SHANK2: variants seen among roughly 807,000 people sequenced by gnomAD.
SHANK2 encodes the protein SH3 and multiple ankyrin repeat domains protein 2.
A neutral mutation model predicts 133.7 loss-of-function variants in SHANK2; 43 were observed. That is an observed-to-expected ratio of 0.32 (90% CI 0.25 to 0.41). The LOEUF (loss-of-function observed/expected upper bound fraction) is 0.41, where lower values mean the gene tolerates loss of function less well. Ranked by LOEUF, SHANK2 falls within the 10% of genes least tolerant of loss-of-function variation. The probability of loss-of-function intolerance (pLI) is 1.00; values close to 1 mark genes in which losing one functional copy is unlikely to be tolerated. For missense variants in SHANK2, 1,994 were observed against 2,235.8 expected, an observed-to-expected ratio of 0.89 and a Z score of 2.18; for synonymous variants, 1,017 against 952.8, an observed-to-expected ratio of 1.07 and a Z score of -1.24.
intron 14 of SHANK2, among the ~76,000 whole-genome samples, chr11:70,776,867 A>T (rs932120865): frequency 5.4e-5 from 8 of 147,910 alleles, no homozygotes; most frequent in African/African-American, 2.0e-4. Context: ...CAATCCACAC[A>T]TCCACCCACC....
chr11:70,543,662 C>T (rs541347391), intron 17 of SHANK2, among the ~76,000 whole-genome samples: 4 of 152,214 alleles, frequency 2.6e-5, no homozygotes, highest in Non-Finnish European at 4.4e-5. Flanking sequence ...AACCGGCAAA[C>T]GTATTTCCCT....
intron 9 of SHANK2, among the ~76,000 whole-genome samples, chr11:71,071,290 G>A (rs1328026963): frequency 7.9e-5 from 12 of 152,268 alleles, no homozygotes; most frequent in East Asian, 1.9e-4. Flanking sequence ...TTCACACCCC[G>A]TGGCATACCT....
chr11:70,636,451 G>A (rs1304568317), intron 17 of SHANK2, among the ~76,000 whole-genome samples: 2 of 151,590 alleles, frequency 1.3e-5, no homozygotes, highest in Admixed American at 6.6e-5. Flanking sequence ...GAATATGTGT[G>A]AGCACGTGTG....
At chr11:70,644,412 G>A (rs529043976) in intron 17 of SHANK2, among the ~76,000 whole-genome samples, 27 of 152,130 alleles carry the variant, frequency 1.8e-4, no homozygotes, top group Non-Finnish European at 2.1e-4. Context: ...AACCTCACTT[G>A]AGCGGAATCA....
intron 17 of SHANK2, among the ~76,000 whole-genome samples, chr11:70,616,697 C>T (rs1175496694): frequency 1.3e-5 from 2 of 152,096 alleles, no homozygotes; most frequent in Non-Finnish European, 2.9e-5. Flanking sequence ...CTGAGGCCTC[C>T]GGAGGCTGCT....
chr11:70,756,518 C>T (rs763127472), intron 14 of SHANK2, among the ~76,000 whole-genome samples: 6 of 152,164 alleles, frequency 3.9e-5, no homozygotes, highest in African/African-American at 7.2e-5. Flanking sequence ...GCCGCCTGCA[C>T]GCTCCTTCCC....
intron 17 of SHANK2, among the ~76,000 whole-genome samples, chr11:70,536,892 C>A (rs2059550418): frequency 6.6e-6 from 1 of 152,194 alleles, no homozygotes; most frequent in African/African-American, 2.4e-5. Context: ...CTCATCCCAG[C>A]CCAGTGTCTC....
At chr11:70,522,888 C>G (rs1486618128) in intron 17 of SHANK2, among the ~76,000 whole-genome samples, 1 of 152,246 alleles carries the variant, frequency 6.6e-6, no homozygotes, top group East Asian at 1.9e-4. Context: ...CACAGCTCCT[C>G]TCTTAGCGGC....
intron 17 of SHANK2, chr11:70,633,818 T>A (rs913187973): frequency 6.6e-6 from 1 of 152,172 alleles, no homozygotes; most frequent in Non-Finnish European, 1.5e-5. Context: ...CCTGGGGAGA[T>A]GGGGTGTGAA....
At chr11:71,134,439 A>AT (rs376602865) in intron 3 of SHANK2, among the ~76,000 whole-genome samples, 56,018 of 133,988 alleles carry the variant, frequency 0.42, 12,671 homozygotes, top group East Asian at 0.58. Flanking sequence ...TTACATCTCA[A>AT]TTTTTTTTTT....
chr11:70,824,075 G>T (rs987343799), intron 11 of SHANK2, among the ~76,000 whole-genome samples: 3 of 150,034 alleles, frequency 2.0e-5, no homozygotes, highest in Non-Finnish European at 4.4e-5. Context: ...CAGGACAGAG[G>T]TGGCGTTGAT....
intron 17 of SHANK2, among the ~76,000 whole-genome samples, chr11:70,506,750 A>G (rs1311638832): frequency 1.3e-5 from 2 of 152,078 alleles, no homozygotes; most frequent in African/African-American, 4.8e-5. Flanking sequence ...CTCCAGAATC[A>G]GCATATTATT....
chr11:70,734,993 C>T (rs1254809871), intron 14 of SHANK2, among the ~76,000 whole-genome samples: 1 of 152,188 alleles, frequency 6.6e-6, no homozygotes, highest in Non-Finnish European at 1.5e-5. Flanking sequence ...GCCCAGGCCT[C>T]GGCGGCTGTA....
At chr11:71,095,051 A>G (rs1951582638) in intron 6 of SHANK2, among the ~76,000 whole-genome samples, 1 of 152,244 alleles carries the variant, frequency 6.6e-6, no homozygotes, top group Non-Finnish European at 1.5e-5. Flanking sequence ...GACGGACTAA[A>G]GCCCTCATTA....
intron 2 of SHANK2, among the ~76,000 whole-genome samples, chr11:71,197,491 C>T (rs1358332263): frequency 5.9e-5 from 9 of 152,216 alleles, no homozygotes; most frequent in Admixed American, 4.6e-4. Flanking sequence ...AAGCTGAGGC[C>T]GCCAACACCC....
chr11:70,928,221 T>C (rs1350735280), intron 10 of SHANK2, among the ~76,000 whole-genome samples: 2 of 152,130 alleles, frequency 1.3e-5, no homozygotes, highest in African/African-American at 4.8e-5. Flanking sequence ...TTCCCGTCGA[T>C]GGAGACCCCA....
chr11:70,640,393 G>A (rs1251599718), intron 17 of SHANK2, among the ~76,000 whole-genome samples: 3 of 152,202 alleles, frequency 2.0e-5, no homozygotes, highest in Non-Finnish European at 2.9e-5. Context: ...GGAGACACGG[G>A]AAGCCGGAAG....
At chr11:71,223,416 T>C (rs1162455013) in intron 2 of SHANK2, among the ~76,000 whole-genome samples, 2 of 152,212 alleles carry the variant, frequency 1.3e-5, no homozygotes, top group Admixed American at 6.5e-5. Context: ...ATTTTTTAGT[T>C]GCATCTGTAC....
intron 1 of SHANK2, among the ~76,000 whole-genome samples, chr11:71,234,878 G>A (rs1414521238): frequency 6.6e-6 from 1 of 152,074 alleles, no homozygotes; most frequent in Non-Finnish European, 1.5e-5. Context: ...TTCGAAACAT[G>A]TATACAAATG....
Sources: allele counts gnomAD v4.1 joint callset (sites outside exome capture counted in the v4.1 genomes callset), GRCh38; gene constraint gnomAD v4.1.1; transcripts MANE v1.5; gene names NCBI Gene and HGNC (gene_info 2026-07-23, HGNC 2026-07-21).